OLA1: variants seen among roughly 807,000 people sequenced by gnomAD.
OLA1 encodes the protein Obg like ATPase 1, also known as obg-like ATPase 1.
Under a neutral mutation model 48.4 loss-of-function variants are expected in OLA1, and 14 were observed. That is an observed-to-expected ratio of 0.29 (90% CI 0.19 to 0.45). The LOEUF (loss-of-function observed/expected upper bound fraction) is 0.45, where lower values mean the gene tolerates loss of function less well. Among genes scored for constraint, OLA1 ranks in the 20% least tolerant of loss-of-function variants. The pLI is 1.00. For missense variants in OLA1, 325 were observed against 467.1 expected (o/e 0.70, Z 2.80); for synonymous variants, 127 against 150.4 (o/e 0.84, Z 1.14).
intron 4 of OLA1, among the ~76,000 whole-genome samples, chr2:174,212,451 A>C (rs10200448): frequency 0.54 from 81,463 of 151,656 alleles, 22,457 homozygotes; most frequent in East Asian, 0.94. Flanking sequence ...TGGAACATTG[A>C]CATAGACAAG....
chr2:174,190,983 G>A (rs1393487765), intron 4 of OLA1, among the ~76,000 whole-genome samples: 1 of 141,664 alleles, frequency 7.1e-6, no homozygotes, highest in African/African-American at 2.6e-5. Context: ...AAGTAACTCT[G>A]GGTCAAAGGA....
rs577509446 is a variant in OLA1, at chr2:174,212,598, G to C, written c.373+10435C>G. Among the ~76,000 whole-genome samples the C allele has an allele frequency of 1.7e-4, 26 of 152,070 alleles. No individual in the cohort carries two copies. The East Asian group carries it at 5.0e-3, about 29-fold the overall frequency. On this transcript the variant is annotated intron_variant, in intron 4 of 10. Transcript: ENST00000284719. ...TAATTTTTTTAACGTTTGGACTCTT[G>C]TAATAACAATTAGCTTAAATCACAA...
chr2:174,226,118 G>C lies in OLA1; in HGVS notation c.246-2958C>G, dbSNP rs1254921300. Among the ~76,000 whole-genome samples, 3 of 100,816 alleles carry C rather than the reference G, an allele frequency of 3.0e-5. 1 individual carries two copies. The highest frequency in any genetic ancestry group is 1.0e-4 in the African/African-American group (3 of 29,136). The allele number at this position is 100,816 out of a possible 152,430, so 66.1% of individuals were successfully genotyped here. A position where few individuals can be genotyped will look rare whatever the true frequency, so the allele number is the denominator to read the frequency against. ...GGAGGCTGAGGCAGGAGAATGGCGT[G>C]AACCCGGGAGGCGGAGCTTGCAGTG... On this transcript the variant is annotated intron_variant, in intron 3 of 10. Transcript: ENST00000284719.
intron 4 of OLA1, among the ~76,000 whole-genome samples, chr2:174,195,989 A>G (rs540818466): frequency 2.5e-4 from 38 of 152,276 alleles, no homozygotes; most frequent in African/African-American, 9.1e-4. Flanking sequence ...CAAATAAATT[A>G]TAACCAGGAT....
chr2:174,123,562 G>A, intron 6 of OLA1, 33 bp downstream of exon 6: 1 of 1,250,996 alleles, frequency 8.0e-7, no homozygotes, highest in Non-Finnish European at 1.1e-6. Flanking sequence ...GAAAGCAAAG[G>A]CAGTAATAGA....
At chr2:174,243,652 A>G (rs1689058100) in intron 2 of OLA1, among the ~76,000 whole-genome samples, 2 of 152,204 alleles carry the variant, frequency 1.3e-5, no homozygotes. Context: ...TCCTACCTTC[A>G]CAGAATTTAA....
chr2:174,204,387 C>T (rs1293304987), intron 4 of OLA1, among the ~76,000 whole-genome samples: 3 of 151,816 alleles, frequency 2.0e-5, no homozygotes, highest in African/African-American at 7.3e-5. Flanking sequence ...GGCGACAGAG[C>T]GAGACTCTGT....
intron 2 of OLA1, among the ~76,000 whole-genome samples, chr2:174,238,818 A>G (rs888951252): frequency 1.3e-5 from 2 of 152,194 alleles, no homozygotes; most frequent in African/African-American, 4.8e-5. Flanking sequence ...GAAATATAAA[A>G]TATGTTGTAT....
At chr2:174,159,560 A>C (rs1207429811) in intron 4 of OLA1, among the ~76,000 whole-genome samples, 2 of 152,180 alleles carry the variant, frequency 1.3e-5, no homozygotes, top group Non-Finnish European at 2.9e-5. Flanking sequence ...TTTGGATTTT[A>C]AGCAATAATA....
At position 174,132,293 on chromosome 2, in the gene OLA1, G is replaced by A. The variant is rs139933907; in HGVS notation, c.550-8618C>T. The stretch of plus-strand genomic sequence containing the variant: ...TATTTTACTAGTGTTTTCAAACGAC[G>A]AACTTTTGGCCTTTTTGATCCTTTT... On this transcript the variant is annotated intron_variant, in intron 5 of 10. Coordinates refer to ENST00000284719, the MANE Select transcript of OLA1 (RefSeq NM_013341.5). Among the ~76,000 whole-genome samples the A allele has an allele frequency of 8.0e-3, 1,221 of 152,014 alleles. 10 individuals carry two copies. The highest frequency in any genetic ancestry group is 0.028 in the African/African-American group (1,150 of 41,524).
intron 5 of OLA1, among the ~76,000 whole-genome samples, chr2:174,127,954 T>C (rs1044673401): frequency 2.6e-5 from 4 of 151,994 alleles, no homozygotes; most frequent in African/African-American, 9.7e-5. Flanking sequence ...TATATCATTA[T>C]TCTAAAAGAA....
chr2:174,124,603 T>C (rs557097508), intron 5 of OLA1, among the ~76,000 whole-genome samples: 1 of 152,278 alleles, frequency 6.6e-6, no homozygotes, highest in South Asian at 2.1e-4. Flanking sequence ...AAAGGTCAAA[T>C]TTAGCTCTTC....
At position 174,244,802 on chromosome 2, in the gene OLA1, G is replaced by GTTT. The variant is rs557193928; in HGVS notation, c.101+1910_101+1912dup. On this transcript the variant is annotated intron_variant, in intron 2 of 10. Transcript: ENST00000284719. ...ACCATGTCCGGCTAATTTTTGTTGT[G>GTTT]TTTTTTTAAAGTAGAGATGGGGTTT... Among the ~76,000 whole-genome samples, 106 of 151,732 alleles carry GTTT rather than the reference G, an allele frequency of 7.0e-4. 2 individuals are homozygous for GTTT. The East Asian group carries it at 0.015, about 21-fold the overall frequency.
At chr2:174,200,272 G>A (rs1275872135) in intron 4 of OLA1, among the ~76,000 whole-genome samples, 1 of 152,048 alleles carries the variant, frequency 6.6e-6, no homozygotes, top group Non-Finnish European at 1.5e-5. Flanking sequence ...CCATTACTTT[G>A]GAGGCTATTA....
chr2:174,245,246 C>T (rs996703521), intron 2 of OLA1, among the ~76,000 whole-genome samples: 1 of 152,224 alleles, frequency 6.6e-6, no homozygotes. Flanking sequence ...CAACTCTCTA[C>T]TTAGTCTTAC....
rs187809694 is a variant in OLA1 at position 174,129,445 on chromosome 2, G to A, written c.550-5770C>T. Among the ~76,000 whole-genome samples the A allele has an allele frequency of 8.1e-3, 1,199 of 148,540 alleles. 18 individuals are homozygous for A. The highest frequency in any genetic ancestry group is 0.028 in the African/African-American group (1,127 of 40,634). On this transcript the variant is annotated intron_variant, in intron 5 of 10. Coordinates refer to ENST00000284719, the MANE Select transcript of OLA1 (RefSeq NM_013341.5). ...TGCACTCCAGCCTGGGCAACACAGC[G>A]AGACTCCGTCTCAATAAATAAATAA... is the stretch of plus-strand genomic sequence containing the variant.
rs760419464 is a variant in OLA1 at position 174,218,988 on chromosome 2, ATTT to A, written c.373+4042_373+4044del. On this transcript the variant is annotated intron_variant, in intron 4 of 10. Coordinates refer to ENST00000284719, the MANE Select transcript of OLA1 (RefSeq NM_013341.5). Reference sequence around the variant, plus strand: ...AGGCACAGGCCACCAAGGCCGGCTAATTTTTTTTTTTTTTTTTTGTAGCAATGT... The same window carrying A: ...AGGCACAGGCCACCAAGGCCGGCTAATTTTTTTTTTTTTTTGTAGCAATGT... Among the ~76,000 whole-genome samples the A allele has an allele frequency of 4.6e-5, 4 of 86,438 alleles. No individual in the cohort carries two copies. The East Asian group carries it at 2.1e-3, about 46-fold the overall frequency. 56.7% of individuals were successfully genotyped at this position (86,438 alleles called of 152,430 possible).
At chr2:174,103,988 G>A (rs2105354443) in intron 7 of OLA1, among the ~76,000 whole-genome samples, 1 of 152,216 alleles carries the variant, frequency 6.6e-6, no homozygotes, top group African/African-American at 2.4e-5. Context: ...AATACTCTGA[G>A]ATTTCCGTAG....
chr2:174,239,467 A>G (rs1430706144), intron 2 of OLA1, among the ~76,000 whole-genome samples: 2 of 152,206 alleles, frequency 1.3e-5, no homozygotes, highest in African/African-American at 2.4e-5. Flanking sequence ...ACATCAGACA[A>G]ACCCCAAATG....
Sources: allele counts gnomAD v4.1 joint callset (sites outside exome capture counted in the v4.1 genomes callset), GRCh38; gene constraint gnomAD v4.1.1; transcripts MANE v1.5; gene names NCBI Gene and HGNC (gene_info 2026-07-23, HGNC 2026-07-21).